Variants in HERC3 observed in about 807,000 individuals in gnomAD.
The protein encoded by HERC3 is HECT and RLD domain containing E3 ubiquitin protein ligase 3.
Under a neutral mutation model 129.9 loss-of-function variants are expected in HERC3, and 58 were observed. The ratio of observed to expected loss-of-function variants is 0.45; its 90% CI spans 0.36 to 0.56. The LOEUF (loss-of-function observed/expected upper bound fraction) is 0.56, where lower values mean the gene tolerates loss of function less well. Among genes scored for constraint, HERC3 ranks in the 20% least tolerant of loss-of-function variants. The pLI, the probability that HERC3 is intolerant of heterozygous loss-of-function variation, is 0.00. For synonymous variants in HERC3, 430 were observed against 451.0 expected, an observed-to-expected ratio of 0.95 and a Z score of 0.59; for missense variants, 835 against 1,244.2, an observed-to-expected ratio of 0.67 and a Z score of 4.95.
At chr4:88,607,808 A>G (rs1409296711) in intron 3 of HERC3, among the ~76,000 whole-genome samples, 1 of 152,190 alleles carries the variant, frequency 6.6e-6, no homozygotes, top group Non-Finnish European at 1.5e-5. Context: ...GACTTTCAGT[A>G]TATGTGTAGC....
chr4:88,547,743 C>A, the HERC3 span, among the ~76,000 whole-genome samples: 1 of 152,262 alleles, frequency 6.6e-6, no homozygotes, highest in South Asian at 2.1e-4. Flanking sequence ...GCAACCTGCA[C>A]CCCTATGGTT....
intron 12 of HERC3, among the ~76,000 whole-genome samples, chr4:88,665,591 T>TA (rs1308637158): frequency 3.3e-5 from 5 of 152,210 alleles, no homozygotes; most frequent in African/African-American, 4.8e-5. Flanking sequence ...GCCAATCTCT[T>TA]ACAGAAAACT....
chr4:88,666,032 C>CT (rs556755765), intron 12 of HERC3, among the ~76,000 whole-genome samples: 1 of 152,148 alleles, frequency 6.6e-6, no homozygotes, highest in Non-Finnish European at 1.5e-5. Context: ...GCTAAACATC[C>CT]TTCATTCCCA....
chr4:88,539,475 TC>T, the HERC3 span, among the ~76,000 whole-genome samples: 1 of 152,178 alleles, frequency 6.6e-6, no homozygotes. Flanking sequence ...CTCTATAGAC[TC>T]CACCTCTGTG....
the HERC3 span, among the ~76,000 whole-genome samples, chr4:88,537,412 G>A: frequency 6.6e-6 from 1 of 152,160 alleles, no homozygotes; most frequent in East Asian, 1.9e-4. Context: ...ATTTCTTCAT[G>A]ATTAGATTCA....
intron 17 of HERC3, 24 bp downstream of exon 17, chr4:88,676,265 C>A (rs753360687): frequency 6.4e-7 from 1 of 1,574,030 alleles, no homozygotes. Context: ...TTTAAATTTG[C>A]TTTTATATTT....
upstream of HERC3, among the ~76,000 whole-genome samples, chr4:88,590,335 C>A (rs201303832): frequency 2.2e-4 from 34 of 151,896 alleles, no homozygotes; most frequent in African/African-American, 8.0e-4. Context: ...CCGAGGTGGG[C>A]GGATCACGAG....
At chr4:88,650,441 A>C (rs1729152340) in intron 4 of HERC3, among the ~76,000 whole-genome samples, 1 of 152,258 alleles carries the variant, frequency 6.6e-6, no homozygotes, top group Non-Finnish European at 1.5e-5. Flanking sequence ...AGATATACAT[A>C]GATTCTTTAA....
At chr4:88,697,481 C>T (rs745708011) in intron 23 of HERC3, 2 of 1,614,150 alleles carry the variant, frequency 1.2e-6, no homozygotes, top group African/African-American at 1.3e-5. Context: ...TCTATCTTAT[C>T]GCATCGCTTC....
At chr4:88,680,293 G>A (rs1732627317) in intron 20 of HERC3, 57 bp downstream of exon 20, 2 of 1,378,358 alleles carry the variant, frequency 1.5e-6, no homozygotes, top group East Asian at 2.4e-5. Flanking sequence ...TCTTTTTGTT[G>A]TCAGACCAAT....
chr4:88,526,056 A>T, the HERC3 span, among the ~76,000 whole-genome samples: 1 of 152,354 alleles, frequency 6.6e-6, no homozygotes, highest in South Asian at 2.1e-4. Context: ...TGTAACTTAC[A>T]GTGTTTGAAC....
At chr4:88,548,386 T>C in the HERC3 span, among the ~76,000 whole-genome samples, 5 of 152,182 alleles carry the variant, frequency 3.3e-5, no homozygotes, top group African/African-American at 1.2e-4. Flanking sequence ...TTGATTATAG[T>C]CACTCAGTGT....
the HERC3 span, among the ~76,000 whole-genome samples, chr4:88,534,356 G>A: frequency 8.5e-5 from 13 of 152,194 alleles, no homozygotes; most frequent in Non-Finnish European, 1.8e-4. Flanking sequence ...CCATGCACAG[G>A]ACAGCCCCTC....
At chr4:88,542,133 C>T in the HERC3 span, among the ~76,000 whole-genome samples, 1 of 151,986 alleles carries the variant, frequency 6.6e-6, no homozygotes, top group African/African-American at 2.4e-5. Flanking sequence ...ACAAAAAACC[C>T]TTCAAAAAAT....
the HERC3 span, among the ~76,000 whole-genome samples, chr4:88,535,626 A>G: frequency 5.3e-5 from 8 of 152,106 alleles, no homozygotes; most frequent in East Asian, 1.9e-4. Flanking sequence ...CCCACATCCA[A>G]TCACATGATG....
chr4:88,537,378 T>C, the HERC3 span, among the ~76,000 whole-genome samples: 1 of 152,216 alleles, frequency 6.6e-6, no homozygotes. Context: ...AGCAAGTCTA[T>C]TCCTCAATTT....
At chr4:88,619,832 T>C (rs967059862) in intron 3 of HERC3, among the ~76,000 whole-genome samples, 2 of 152,242 alleles carry the variant, frequency 1.3e-5, no homozygotes, top group Non-Finnish European at 2.9e-5. Flanking sequence ...AGTGAATTTA[T>C]GCAAATATGT....
chr4:88,591,368 T>C (rs1403160960), upstream of HERC3, among the ~76,000 whole-genome samples: 1 of 152,192 alleles, frequency 6.6e-6, no homozygotes, highest in Non-Finnish European at 1.5e-5. Flanking sequence ...CAACGTCTCA[T>C]CCCCAGGATA....
At chr4:88,651,408 A>G (rs1002735087) in intron 4 of HERC3, among the ~76,000 whole-genome samples, 4 of 152,214 alleles carry the variant, frequency 2.6e-5, no homozygotes, top group African/African-American at 9.6e-5. Flanking sequence ...TTGGATTCCA[A>G]TACTGGCTCT....
Sources: allele counts gnomAD v4.1 joint callset (sites outside exome capture counted in the v4.1 genomes callset), GRCh38; gene constraint gnomAD v4.1.1; transcripts MANE v1.5; gene names NCBI Gene and HGNC (gene_info 2026-07-23, HGNC 2026-07-21).